DNAJC6: variants seen among roughly 807,000 people sequenced by gnomAD.
DNAJC6 encodes the protein DnaJ heat shock protein family (Hsp40) member C6.
Under a neutral mutation model 110.0 loss-of-function variants are expected in DNAJC6, and 34 were observed. The observed-to-expected ratio is 0.31, with a 90% confidence interval of 0.24 to 0.41. The LOEUF is 0.41. Among genes scored for constraint, DNAJC6 ranks in the 10% least tolerant of loss-of-function variants. The pLI, the probability that DNAJC6 is intolerant of heterozygous loss-of-function variation, is 1.00. For missense variants in DNAJC6, 1,031 were observed against 1,207.8 expected, an observed-to-expected ratio of 0.85 and a Z score of 2.17; for synonymous variants, 406 against 437.2, an observed-to-expected ratio of 0.93 and a Z score of 0.89.
At chr1:65,392,257 G>A (rs1645934878) in intron 11 of DNAJC6, among the ~76,000 whole-genome samples, 174 bp from the exon 12 acceptor site, 1 of 152,152 alleles carries the variant, frequency 6.6e-6, no homozygotes, top group Non-Finnish European at 1.5e-5. Flanking sequence ...TCAACAAGTG[G>A]TAGTTGAATG....
intron 1 of DNAJC6, among the ~76,000 whole-genome samples, chr1:65,356,695 TG>T (rs1362086006): frequency 6.6e-6 from 1 of 152,158 alleles, no homozygotes; most frequent in Non-Finnish European, 1.5e-5. Context: ...TTGATCCTGT[TG>T]ATGACATGAG....
At chr1:65,282,781 C>G (rs1653893719) in intron 1 of DNAJC6, among the ~76,000 whole-genome samples, 1 of 152,128 alleles carries the variant, frequency 6.6e-6, no homozygotes, top group Non-Finnish European at 1.5e-5. Flanking sequence ...GAACTGTGTT[C>G]TCTAGTTAAA....
At chr1:65,395,123 T>A in intron 13 of DNAJC6, 91 bp downstream of exon 13, 3 of 1,338,024 alleles carry the variant, frequency 2.2e-6, no homozygotes, top group Non-Finnish European at 2.9e-6. Context: ...CTGTGGGTGC[T>A]TTTTTGATAA....
At chr1:65,361,191 C>T (rs944086657) in intron 1 of DNAJC6, among the ~76,000 whole-genome samples, 17 of 152,146 alleles carry the variant, frequency 1.1e-4, no homozygotes, top group Admixed American at 3.3e-4. Flanking sequence ...TCCACTCTCC[C>T]GCTATATGAA....
intron 4 of DNAJC6, among the ~76,000 whole-genome samples, chr1:65,370,088 C>T (rs529249217): frequency 3.0e-4 from 45 of 151,858 alleles, no homozygotes; most frequent in African/African-American, 9.4e-4. Flanking sequence ...CAATATCCAC[C>T]TTGAGGAAAT....
intron 1 of DNAJC6, among the ~76,000 whole-genome samples, chr1:65,354,704 T>A (rs1363251409): frequency 1.3e-5 from 2 of 152,114 alleles, no homozygotes; most frequent in African/African-American, 4.8e-5. Flanking sequence ...TGTCTGTAAG[T>A]GATGACAAAA....
chr1:65,403,398 G>C (rs559522497), intron 15 of DNAJC6, among the ~76,000 whole-genome samples: 2 of 152,274 alleles, frequency 1.3e-5, no homozygotes, highest in Non-Finnish European at 2.9e-5. Flanking sequence ...GTGGGAAGGG[G>C]TATCAGTTCA....
intron 1 of DNAJC6, among the ~76,000 whole-genome samples, chr1:65,332,114 C>CT (rs904799397): frequency 2.6e-5 from 4 of 152,120 alleles, no homozygotes; most frequent in African/African-American, 4.8e-5. Flanking sequence ...TTTCTGGACT[C>CT]TTTTTTGCTT....
intron 17 of DNAJC6, among the ~76,000 whole-genome samples, chr1:65,409,608 A>G (rs767642391): frequency 5.9e-5 from 9 of 152,136 alleles, no homozygotes; most frequent in Admixed American, 2.0e-4. Flanking sequence ...AGCCCCCAGG[A>G]TCTTTTCTCT....
chr1:65,339,578 C>T (rs1363845119), intron 1 of DNAJC6, among the ~76,000 whole-genome samples: 2 of 152,174 alleles, frequency 1.3e-5, no homozygotes, highest in Non-Finnish European at 2.9e-5. Context: ...TATTAGAATA[C>T]TACTACTACC....
intron 1 of DNAJC6, chr1:65,278,973 A>T: frequency 2.0e-6 from 2 of 985,310 alleles, no homozygotes; most frequent in Non-Finnish European, 2.4e-6. Context: ...GCCCTCCTCC[A>T]TCCCCTTCCC....
intron 2 of DNAJC6, among the ~76,000 whole-genome samples, chr1:65,365,551 C>A (rs1290848493): frequency 6.6e-6 from 1 of 152,102 alleles, no homozygotes; most frequent in African/African-American, 2.4e-5. Flanking sequence ...TAGCCACTTA[C>A]AATTATGGAA....
intron 1 of DNAJC6, among the ~76,000 whole-genome samples, chr1:65,330,130 T>C (rs956144598): frequency 6.6e-6 from 1 of 152,218 alleles, no homozygotes; most frequent in Admixed American, 6.5e-5. Context: ...TTTCAGTCTT[T>C]CCTCATGAGA....
chr1:65,380,036 A>G (rs184276623), intron 5 of DNAJC6, among the ~76,000 whole-genome samples: 1 of 151,992 alleles, frequency 6.6e-6, no homozygotes, highest in African/African-American at 2.4e-5. Flanking sequence ...TCTTCTCAGA[A>G]CTCTTGCCTG....
At chr1:65,350,806 CA>C (rs1389357638) in intron 1 of DNAJC6, among the ~76,000 whole-genome samples, 1 of 152,174 alleles carries the variant, frequency 6.6e-6, no homozygotes, top group African/African-American at 2.4e-5. Context: ...AGATGCTCAG[CA>C]AGAGCTTTCC....
chr1:65,354,083 A>G (rs1645518141), intron 1 of DNAJC6, among the ~76,000 whole-genome samples: 1 of 152,150 alleles, frequency 6.6e-6, no homozygotes, highest in African/African-American at 2.4e-5. Context: ...GTGAAGAGGC[A>G]TGAAACATGC....
chr1:65,407,095 C>T (rs1014992765), intron 16 of DNAJC6, among the ~76,000 whole-genome samples: 7 of 152,146 alleles, frequency 4.6e-5, no homozygotes, highest in African/African-American at 1.7e-4. Context: ...ATAAGCAATT[C>T]ATACATTTCA....
At chr1:65,412,850 T>C in intron 18 of DNAJC6, 74 bp from the exon 19 acceptor site, 1 of 1,206,896 alleles carries the variant, frequency 8.3e-7, no homozygotes, top group Non-Finnish European at 1.2e-6. Flanking sequence ...AGCCCATATA[T>C]TGGCAGTGAA....
At chr1:65,396,825 C>G (rs4916048) in intron 13 of DNAJC6, among the ~76,000 whole-genome samples, 27,293 of 152,098 alleles carry the variant, frequency 0.18, 5,457 homozygotes, top group East Asian at 0.58. Context: ...CACATGGTAG[C>G]TGCTATCTAT....
Sources: gnomAD v4.1 joint callset for allele counts (sites outside exome capture counted in the v4.1 genomes callset) on GRCh38, gnomAD v4.1.1 for gene constraint, MANE v1.5 for transcripts, NCBI Gene and HGNC (gene_info 2026-07-23, HGNC 2026-07-21) for gene names.